Variants in SDK2 observed in about 807,000 individuals in gnomAD.
SDK2 encodes the protein protein sidekick-2.
A neutral mutation model predicts 253.9 loss-of-function variants in SDK2; 105 were observed. The ratio of observed to expected loss-of-function variants is 0.41; its 90% CI spans 0.35 to 0.49. SDK2 has a LOEUF of 0.49. Among genes scored for constraint, SDK2 ranks in the 20% least tolerant of loss-of-function variants. The pLI is 0.06. For missense variants in SDK2, 2,608 were observed against 3,003.0 expected, an observed-to-expected ratio of 0.87 and a Z score of 3.07; for synonymous variants, 1,249 against 1,234.9, an observed-to-expected ratio of 1.01 and a Z score of -0.24.
intron 21 of SDK2, 34 bp from the exon 22 acceptor site, chr17:73,399,323 C>T (rs777700024): frequency 1.3e-4 from 204 of 1,612,192 alleles, no homozygotes; most frequent in African/African-American, 2.1e-4. Context: ...GAAGGAGATC[C>T]GGTGAGAATG....
In SDK2 at chr17:73,456,056, G is replaced by A; in HGVS notation, c.332-3C>T. On this transcript the variant is annotated splice_polypyrimidine_tract_variant and splice_region_variant and intron_variant, in intron 3 of 44. Transcript: ENST00000392650. ...ACCTTCCTCAAAGCTCCCCATGTCTGCAGCCGGGACAACGGCAGTAGGATC... is the reference window on the plus strand; with the variant it reads ...ACCTTCCTCAAAGCTCCCCATGTCTACAGCCGGGACAACGGCAGTAGGATC... 2 of 1,485,898 alleles carry A rather than the reference G, an allele frequency of 1.3e-6. No individual in the cohort carries two copies. The highest frequency in any genetic ancestry group is 9.0e-7 in the Non-Finnish European group (1 of 1,109,974). The allele number at this position is 1,485,898 out of a possible 1,614,324, so 92.0% of individuals were successfully genotyped here. A position where few individuals can be genotyped will look rare whatever the true frequency, so the allele number is the denominator to read the frequency against.
intron 44 of SDK2, among the ~76,000 whole-genome samples, chr17:73,341,926 G>A (rs1041542716): frequency 6.6e-6 from 1 of 152,020 alleles, no homozygotes; most frequent in Non-Finnish European, 1.5e-5. Context: ...GGGTACTGAC[G>A]GGCACATAAA....
intron 1 of SDK2, among the ~76,000 whole-genome samples, chr17:73,532,726 A>G (rs2064179765): frequency 6.6e-6 from 1 of 152,076 alleles, no homozygotes; most frequent in South Asian, 2.1e-4. Flanking sequence ...GGGGGGCTGG[A>G]GGCTCTCTCT....
chr17:73,345,925 G>A (rs768105490), intron 44 of SDK2, among the ~76,000 whole-genome samples: 5 of 152,102 alleles, frequency 3.3e-5, no homozygotes, highest in African/African-American at 7.2e-5. Context: ...TATGATTCAC[G>A]GCTGGGTGCT....
At chr17:73,463,697 G>C (rs969131324) in intron 3 of SDK2, among the ~76,000 whole-genome samples, 1 of 152,166 alleles carries the variant, frequency 6.6e-6, no homozygotes, top group Non-Finnish European at 1.5e-5. Flanking sequence ...AGTCTTCCGT[G>C]ATTTGCATTT....
chr17:73,363,897 C>A (rs527277049), intron 38 of SDK2, among the ~76,000 whole-genome samples: 6 of 151,954 alleles, frequency 3.9e-5, no homozygotes, highest in African/African-American at 1.2e-4. Context: ...CTGGCTCCCC[C>A]CTGGTGTTCT....
At chr17:73,463,462 C>G (rs1010563976) in intron 3 of SDK2, among the ~76,000 whole-genome samples, 6 of 152,130 alleles carry the variant, frequency 3.9e-5, no homozygotes, top group Non-Finnish European at 7.4e-5. Flanking sequence ...AAAATAAACA[C>G]TCCTGCACCT....
intron 36 of SDK2, among the ~76,000 whole-genome samples, chr17:73,370,551 C>CATTTT (rs112485065): frequency 1.8e-4 from 27 of 151,070 alleles, no homozygotes; most frequent in Admixed American, 5.3e-4. Context: ...CCCTCTCTCC[C>CATTTT]ATTTTATTTT....
intron 2 of SDK2, among the ~76,000 whole-genome samples, chr17:73,502,625 A>G (rs886230872): frequency 5.3e-5 from 8 of 152,248 alleles, no homozygotes; most frequent in African/African-American, 1.7e-4. Flanking sequence ...CTGATGCTAA[A>G]TTACTTTAAA....
chr17:73,384,507 C>A (rs1038598950), intron 32 of SDK2, among the ~76,000 whole-genome samples: 2 of 152,164 alleles, frequency 1.3e-5, no homozygotes, highest in Non-Finnish European at 2.9e-5. Context: ...TGCCCCTCAC[C>A]CCTTCATCAA....
At chr17:73,385,953 C>T (rs377163312) in intron 31 of SDK2, 36 bp from the exon 32 acceptor site, 33 of 1,514,884 alleles carry the variant, frequency 2.2e-5, no homozygotes, top group Admixed American at 5.9e-5. Context: ...TTCTGGGGGC[C>T]GCAGCTTCAA....
At chr17:73,426,358 C>A (rs138562779) in intron 12 of SDK2, among the ~76,000 whole-genome samples, 2 of 151,924 alleles carry the variant, frequency 1.3e-5, no homozygotes, top group African/African-American at 2.4e-5. Context: ...TGAGCCACCA[C>A]GCCTGACCAG....
intron 1 of SDK2, among the ~76,000 whole-genome samples, chr17:73,605,446 C>A (rs992444520): frequency 3.9e-5 from 6 of 152,080 alleles, no homozygotes; most frequent in Non-Finnish European, 8.8e-5. Flanking sequence ...GGCTGGAATC[C>A]CGGAGATTCT....
chr17:73,390,595 C>T (rs986542146), intron 28 of SDK2, 114 bp from the exon 29 acceptor site: 84 of 1,110,398 alleles, frequency 7.6e-5, no homozygotes, highest in Non-Finnish European at 9.9e-5. Flanking sequence ...GCCACCTTGC[C>T]GTGGTCCCTT....
chr17:73,387,162 G>A (rs1213185015), intron 30 of SDK2, among the ~76,000 whole-genome samples: 2 of 152,226 alleles, frequency 1.3e-5, no homozygotes, highest in Non-Finnish European at 2.9e-5. Flanking sequence ...TTTTCACCAT[G>A]TTGGCCAGAC....
At position 73,643,332 on chromosome 17, in the gene SDK2, C is replaced by T. The variant is rs894387586; in HGVS notation, c.64+693G>A. Among the ~76,000 whole-genome samples the T allele has an allele frequency of 3.3e-5, 5 of 152,166 alleles. No homozygotes were observed. The highest frequency in any genetic ancestry group is 5.9e-5 in the Non-Finnish European group (4 of 68,012). On this transcript the variant is annotated intron_variant, in intron 1 of 44. Coordinates refer to ENST00000392650, the MANE Select transcript of SDK2 (RefSeq NM_001144952.2). This position sits in a 1 kb window ranked among gnomAD's most constrained non-coding sequence, Gnocchi z 6.9. Reference sequence around the variant, plus strand: ...GAACAGCGGAGGCTGGAGGCAGGGGCGGGGATGCTGGGTGTGGGTGGATGG... The same window carrying T: ...GAACAGCGGAGGCTGGAGGCAGGGGTGGGGATGCTGGGTGTGGGTGGATGG...
chr17:73,421,953 C>T (rs1158131802), intron 15 of SDK2, among the ~76,000 whole-genome samples: 3 of 132,292 alleles, frequency 2.3e-5, no homozygotes, highest in Non-Finnish European at 5.1e-5. Flanking sequence ...GATCCTGTAT[C>T]TCTGGAATTT....
chr17:73,487,961 A>G (rs769341530), intron 2 of SDK2, among the ~76,000 whole-genome samples: 8 of 152,150 alleles, frequency 5.3e-5, no homozygotes, highest in Non-Finnish European at 1.2e-4. Flanking sequence ...CAGACAAGGG[A>G]TAGAACCTTG....
At chr17:73,375,469 A>C (rs2062770259) in intron 36 of SDK2, among the ~76,000 whole-genome samples, 1 of 150,924 alleles carries the variant, frequency 6.6e-6, no homozygotes, top group African/African-American at 2.4e-5. Flanking sequence ...CTGGTCTTGG[A>C]CTCCTGGAGT....
Sources: gnomAD v4.1 joint callset for allele counts (sites outside exome capture counted in the v4.1 genomes callset) on GRCh38, gnomAD v4.1.1 for gene constraint, Gnocchi (gnomAD v3.1) non-coding constraint, MANE v1.5 for transcripts, NCBI Gene and HGNC (gene_info 2026-07-23, HGNC 2026-07-21) for gene names.